SMARCAD1: variants seen among roughly 807,000 people sequenced by gnomAD.
SMARCAD1 encodes SNF2 related chromatin remodeling ATPase with DExD box 1.
SMARCAD1 carries 25 observed loss-of-function variants against 127.1 expected under a neutral mutation model. The observed-to-expected ratio is 0.20, with a 90% confidence interval of 0.14 to 0.27. SMARCAD1 has a LOEUF of 0.27. Ranked by LOEUF, SMARCAD1 falls within the 10% of genes least tolerant of loss-of-function variation. The pLI, the probability that SMARCAD1 is intolerant of heterozygous loss-of-function variation, is 1.00. For synonymous variants in SMARCAD1, 400 were observed against 396.9 expected (o/e 1.01, Z -0.09); for missense variants, 807 against 1,206.0 (o/e 0.67, Z 4.90).
rs777221396 is a variant in SMARCAD1, at chr4:94,208,338, C to T, written c.-49-8C>T. The T allele has an allele frequency of 1.3e-6, 2 of 1,554,534 alleles. No individual in the cohort carries two copies. The highest frequency in any genetic ancestry group is 1.4e-5 in the African/African-American group (1 of 73,472). ...GCCTTTTTTCCTCTCTTTATTTTTCCCCTGCAGATAGTTCATTTAAAGCCC... is the reference window on the plus strand; with the variant it reads ...GCCTTTTTTCCTCTCTTTATTTTTCTCCTGCAGATAGTTCATTTAAAGCCC... On this transcript the variant is annotated splice_polypyrimidine_tract_variant and splice_region_variant and intron_variant, in intron 1 of 23. Transcript: ENST00000354268.
Position 94,208,550 on chromosome 4 carries a change from A to C in SMARCAD1, c.156A>C (p.Ala52=). 6.2e-7 allele frequency: 1 copy of C among 1,614,174 alleles called. No individual in the cohort carries two copies. The highest frequency in any genetic ancestry group is 8.5e-7 in the Non-Finnish European group (1 of 1,180,012). ...EENAEGEVSR[A]NTPDSDITEK... is the part of the protein sequence containing the mutation. ...ATGCTGAAGGGGAAGTTAGCAGGGC[A>C]AACACTCCTGATTCAGATATAACTG... is the stretch of plus-strand genomic sequence containing the variant. Residue 52 remains alanine (A), a synonymous_variant, in exon 2 of 24, where the codon GCA becomes GCC. Coordinates refer to ENST00000354268, the MANE Select transcript of SMARCAD1 (RefSeq NM_020159.5).
chr4:94,225,610 C>T (rs994879890), intron 2 of SMARCAD1, among the ~76,000 whole-genome samples: 2 of 152,184 alleles, frequency 1.3e-5, no homozygotes, highest in African/African-American at 2.4e-5. Flanking sequence ...CCATACACCA[C>T]ATATTCATAA....
chr4:94,289,039 G>A (rs1464707043), intron 23 of SMARCAD1, among the ~76,000 whole-genome samples: 1 of 152,070 alleles, frequency 6.6e-6, no homozygotes, highest in Non-Finnish European at 1.5e-5. Flanking sequence ...TACAGTGTGG[G>A]TCTGAGTCAG....
intron 5 of SMARCAD1, among the ~76,000 whole-genome samples, chr4:94,239,494 C>T (rs1342733958): frequency 1.3e-5 from 2 of 150,622 alleles, no homozygotes; most frequent in East Asian, 3.9e-4. Flanking sequence ...AAAGTTTTTA[C>T]TCTACTTCAG....
At chr4:94,289,418 T>C (rs1755410274) in intron 23 of SMARCAD1, 55 bp from the exon 24 acceptor site, 28 of 1,473,484 alleles carry the variant, frequency 1.9e-5, no homozygotes, top group Non-Finnish European at 2.5e-5. Flanking sequence ...TGAGACAATT[T>C]TTTTTTAAGT....
At chr4:94,219,674 A>G (rs1376948569) in intron 2 of SMARCAD1, among the ~76,000 whole-genome samples, 4 of 152,224 alleles carry the variant, frequency 2.6e-5, no homozygotes, top group African/African-American at 9.6e-5. Flanking sequence ...ACCTTTGGTA[A>G]TAAGAAAATA....
intron 12 of SMARCAD1, among the ~76,000 whole-genome samples, chr4:94,274,117 A>G (rs1343228362): frequency 6.6e-6 from 1 of 152,190 alleles, no homozygotes; most frequent in African/African-American, 2.4e-5. Flanking sequence ...GAATAAGAGA[A>G]TATTTGTACA....
intron 2 of SMARCAD1, among the ~76,000 whole-genome samples, chr4:94,213,531 T>C (rs937014792): frequency 1.3e-5 from 2 of 151,378 alleles, no homozygotes; most frequent in East Asian, 1.9e-4. Context: ...GTAGATCTTA[T>C]TTGGTACACA....
chr4:94,284,996 G>T lies in SMARCAD1; in HGVS notation c.2946G>T (p.Thr982=), dbSNP rs114252234. Residue 982 remains threonine, a synonymous_variant, in exon 23 of 24, where the codon ACG becomes ACT. Coordinates refer to ENST00000354268, the MANE Select transcript of SMARCAD1 (RefSeq NM_020159.5). ...TTATAAAACTAATAAGCCAAGGGAC[G>T]ATTGAAGAATCCATGCTAAAAATTA... ...VLVIKLISQG[T]IEESMLKINQ... is the part of the protein sequence containing the mutation. 1 of 1,612,936 alleles carries T rather than the reference G, an allele frequency of 6.2e-7. No individual in the cohort carries two copies. Among genetic ancestry groups the T allele is most frequent in the Non-Finnish European group, 8.5e-7 (1 of 1,179,212 alleles).
At chr4:94,273,060 C>A (rs904609114) in intron 11 of SMARCAD1, among the ~76,000 whole-genome samples, 3 of 152,170 alleles carry the variant, frequency 2.0e-5, no homozygotes, top group Non-Finnish European at 4.4e-5. Context: ...CCCACCTCAG[C>A]GTCCCCAAGT....
At chr4:94,235,938 A>T (rs959525173) in intron 4 of SMARCAD1, among the ~76,000 whole-genome samples, 5 of 152,146 alleles carry the variant, frequency 3.3e-5, no homozygotes, top group African/African-American at 1.2e-4. Flanking sequence ...GTAATTTAGT[A>T]TATCACACAC....
At chr4:94,238,072 A>G (rs1317493195) in intron 5 of SMARCAD1, among the ~76,000 whole-genome samples, 1 of 152,128 alleles carries the variant, frequency 6.6e-6, no homozygotes, top group African/African-American at 2.4e-5. Context: ...ATACAAAACG[A>G]TGTGTTCCCA....
At chr4:94,211,474 CCTTA>C (rs1376493073) in intron 2 of SMARCAD1, among the ~76,000 whole-genome samples, 5 of 152,086 alleles carry the variant, frequency 3.3e-5, no homozygotes, top group Admixed American at 2.6e-4. Flanking sequence ...TGACTATTGA[CCTTA>C]CTTCTTTATC....
intron 18 of SMARCAD1, 97 bp downstream of exon 18, chr4:94,278,830 T>C (rs1233728320): frequency 6.2e-7 from 1 of 1,600,442 alleles, no homozygotes; most frequent in Non-Finnish European, 8.5e-7. Context: ...TTTTAAAAAA[T>C]TATCTGGAAT....
chr4:94,214,746 T>A (rs895424893), intron 2 of SMARCAD1, among the ~76,000 whole-genome samples: 7 of 152,154 alleles, frequency 4.6e-5, no homozygotes, highest in African/African-American at 1.7e-4. Context: ...ATAGATGGGT[T>A]CATAGATTAT....
chr4:94,256,727 G>T (rs1303445534), intron 9 of SMARCAD1, among the ~76,000 whole-genome samples: 1 of 152,086 alleles, frequency 6.6e-6, no homozygotes, highest in Non-Finnish European at 1.5e-5. Context: ...TTAAAGCATG[G>T]TAATACATAT....
chr4:94,215,859 A>G (rs1743088023), intron 2 of SMARCAD1, among the ~76,000 whole-genome samples: 1 of 152,146 alleles, frequency 6.6e-6, no homozygotes. Flanking sequence ...TAAATTTACT[A>G]GCCATTTGGA....
chr4:94,264,247 A>G (rs1293406097), intron 9 of SMARCAD1, among the ~76,000 whole-genome samples: 1 of 151,956 alleles, frequency 6.6e-6, no homozygotes, highest in Non-Finnish European at 1.5e-5. Flanking sequence ...GATTAATCTT[A>G]ATATGTAATA....
At chr4:94,276,819 A>C (rs1753375156) in intron 15 of SMARCAD1, among the ~76,000 whole-genome samples, 1 of 152,246 alleles carries the variant, frequency 6.6e-6, no homozygotes, top group Non-Finnish European at 1.5e-5. Flanking sequence ...TTATAAAAGA[A>C]GACCAATGGT....
Sources: allele counts gnomAD v4.1 joint callset (sites outside exome capture counted in the v4.1 genomes callset), GRCh38; gene constraint gnomAD v4.1.1; transcripts MANE v1.5; gene names NCBI Gene and HGNC (gene_info 2026-07-23, HGNC 2026-07-21).